Variants in APC observed in about 807,000 individuals in gnomAD.
APC encodes the protein APC regulator of Wnt signaling pathway.
Under a neutral mutation model 247.0 loss-of-function variants are expected in APC, and 72 were observed. That is an observed-to-expected ratio of 0.29 (90% CI 0.24 to 0.35). APC has a LOEUF of 0.35. Among genes scored for constraint, APC ranks in the 10% least tolerant of loss-of-function variants. The pLI, the probability that APC is intolerant of heterozygous loss-of-function variation, is 1.00. For synonymous variants in APC, 1,254 were observed against 1,162.5 expected, an observed-to-expected ratio of 1.08 and a Z score of -1.60; for missense variants, 3,400 against 3,360.7, an observed-to-expected ratio of 1.01 and a Z score of -0.29.
rs762167924 is a variant in APC at position 112,842,722 on chromosome 5, G to C, written c.7128G>C (p.Gln2376His). 3 of 1,613,914 alleles carry C rather than the reference G, an allele frequency of 1.9e-6. No homozygotes were observed. Among genetic ancestry groups the C allele is most frequent in the Non-Finnish European group, 2.5e-6 (3 of 1,179,870 alleles). Residue 2376 changes from glutamine (Q) to histidine (H), a missense_variant, in exon 16 of 16, where the codon CAG (glutamine) becomes CAC (histidine). Transcript: ENST00000257430. ...CTCCAGGTAGACAGATGAGCCAACA[G>C]AACCTTACCAAACAAACAGGTTTAT... ...YTSPGRQMSQ[Q>H]NLTKQTGLSK...
In APC at chr5:112,780,914, T is replaced by C; in HGVS notation, c.645+11T>C. The C allele has an allele frequency of 6.5e-7, 1 of 1,532,506 alleles. No individual in the cohort carries two copies. Among genetic ancestry groups the C allele is most frequent in the East Asian group, 2.3e-5 (1 of 43,978 alleles). 94.9% of individuals were successfully genotyped at this position (1,532,506 alleles called of 1,614,324 possible). A position where few individuals can be genotyped will look rare whatever the true frequency, so the allele number is the denominator to read the frequency against. The stretch of plus-strand genomic sequence containing the variant: ...GAAAAACGAGCACAGGTAAGTTACT[T>C]GTTTCTAAGTGATAAAACAGCGAAG... On this transcript the variant is annotated intron_variant, in intron 6 of 15. Transcript: ENST00000257430.
chr5:112,842,076 G>A lies in APC; in HGVS notation c.6482G>A (p.Ser2161Asn), dbSNP rs1374834291. The change falls in exon 16 of 16, where the codon AGT (serine) becomes AAT (asparagine). Residue 2161 changes from serine (S) to asparagine (N), a missense_variant. By Grantham distance (46) the Ser-to-Asn change is conservative. Transcript: ENST00000257430. ...GATCAAGAAGAAAAACCCTTTACAA[G>A]TAATAAAGGCCCACGAATTCTAAAA... The part of the protein sequence containing the change: ...TPDQEEKPFT[S>N]NKGPRILKPG... The A allele has an allele frequency of 6.2e-7, 1 of 1,610,712 alleles. No individual in the cohort carries two copies. Among genetic ancestry groups the A allele is most frequent in the Admixed American group, 1.7e-5 (1 of 59,978 alleles).
intron 1 of APC, among the ~76,000 whole-genome samples, chr5:112,708,188 C>G (rs1432480723): frequency 1.3e-5 from 2 of 152,202 alleles, no homozygotes; most frequent in Non-Finnish European, 2.9e-5. Flanking sequence ...GTCGTCCGCC[C>G]TTCCCATTTT....
chr5:112,831,431 A>G (rs1764289716), intron 14 of APC, among the ~76,000 whole-genome samples: 1 of 152,208 alleles, frequency 6.6e-6, no homozygotes, highest in African/African-American at 2.4e-5. Context: ...GCTGTCAGAA[A>G]TTTATAATAT....
At chr5:112,718,736 T>A (rs1751317810) in intron 1 of APC, among the ~76,000 whole-genome samples, 1 of 152,272 alleles carries the variant, frequency 6.6e-6, no homozygotes, top group African/African-American at 2.4e-5. Flanking sequence ...CTTATCTAGC[T>A]TTTTAAATTG....
chr5:112,752,003 T>C (rs559103736), intron 1 of APC, among the ~76,000 whole-genome samples: 20 of 152,226 alleles, frequency 1.3e-4, no homozygotes, highest in Non-Finnish European at 2.9e-4. Flanking sequence ...ATATCTATTA[T>C]GTTAAATGAT....
intron 7 of APC, among the ~76,000 whole-genome samples, chr5:112,799,200 A>T (rs974847538): frequency 6.6e-6 from 1 of 151,596 alleles, no homozygotes; most frequent in Non-Finnish European, 1.5e-5. Flanking sequence ...AAAAAAAAAA[A>T]AAAAGGCACT....
At chr5:112,708,518 G>A (rs368544993) in intron 1 of APC, among the ~76,000 whole-genome samples, 1 of 152,132 alleles carries the variant, frequency 6.6e-6, no homozygotes, top group African/African-American at 2.4e-5. Flanking sequence ...GGGGGCGTGA[G>A]CTTTCTAGAT....
intron 6 of APC, among the ~76,000 whole-genome samples, chr5:112,781,498 C>T (rs1561486814): frequency 6.6e-6 from 1 of 152,096 alleles, no homozygotes; most frequent in Non-Finnish European, 1.5e-5. Flanking sequence ...GAGGCCTTGC[C>T]AATTGCCTTA....
chr5:112,776,323 T>C (rs929540280), intron 5 of APC, among the ~76,000 whole-genome samples: 3 of 152,146 alleles, frequency 2.0e-5, no homozygotes, highest in Admixed American at 6.5e-5. Flanking sequence ...GTAAAACATA[T>C]ACTGAAAAGA....
chr5:112,726,905 A>C (rs763942401), intron 1 of APC, among the ~76,000 whole-genome samples: 3 of 152,152 alleles, frequency 2.0e-5, no homozygotes, highest in Non-Finnish European at 2.9e-5. Context: ...AATTACATTT[A>C]TTAGATTGTC....
intron 1 of APC, among the ~76,000 whole-genome samples, chr5:112,740,026 C>T (rs1752812945): frequency 6.6e-6 from 1 of 152,016 alleles, no homozygotes; most frequent in Admixed American, 6.5e-5. Flanking sequence ...TTCTATAAAA[C>T]TATAATGCCT....
chr5:112,719,384 AT>A (rs903357963), intron 1 of APC, among the ~76,000 whole-genome samples: 11 of 146,718 alleles, frequency 7.5e-5, no homozygotes, highest in Non-Finnish European at 7.6e-5. Flanking sequence ...CGCCCGGCTA[AT>A]TTTTTTTTTT....
In APC at chr5:112,782,766, A is replaced by G. The variant is rs115057694; in HGVS notation, c.645+1863A>G. Among the ~76,000 whole-genome samples, 1,208 of 152,314 alleles carry G rather than the reference A, an allele frequency of 7.9e-3. 14 individuals carry two copies. The highest frequency in any genetic ancestry group is 0.027 in the African/African-American group (1,122 of 41,578). On this transcript the variant is annotated intron_variant, in intron 6 of 15. Transcript: ENST00000257430. ...TTAAAACGCTAATGATAAAAGACCA[A>G]TAAGTTTACTGTATTAAAATTAAGA...
Position 112,739,391 on chromosome 5 carries a change from A to G in APC, c.-19+1466A>G, listed in dbSNP as rs549394715. ...GTGTCTCTTAAATAATGTTTATGTAATAGAAAGTCTTAAGATGACCTATTA... is the reference window on the plus strand; with the variant it reads ...GTGTCTCTTAAATAATGTTTATGTAGTAGAAAGTCTTAAGATGACCTATTA... On this transcript the variant is annotated intron_variant, in intron 1 of 15. Transcript: ENST00000257430. 9.2e-5 allele frequency among the ~76,000 whole-genome samples: 14 copies of G among 152,358 alleles called. No homozygotes were observed. The South Asian group carries it at 2.9e-3, about 32-fold the overall frequency.
At chr5:112,829,106 A>G (rs111268865) in intron 14 of APC, 134 bp downstream of exon 14, 3 of 684,916 alleles carry the variant, frequency 4.4e-6, no homozygotes, top group South Asian at 1.6e-5. Flanking sequence ...TTTCATGTTT[A>G]GCTTTTTTTG....
At chr5:112,732,327 C>T (rs1291240573) in intron 1 of APC, among the ~76,000 whole-genome samples, 1 of 152,118 alleles carries the variant, frequency 6.6e-6, no homozygotes, top group Non-Finnish European at 1.5e-5. Context: ...AAAGCTTGGG[C>T]ACTACCCACA....
chr5:112,819,806 A>G (rs1762931383), intron 10 of APC, among the ~76,000 whole-genome samples: 1 of 152,148 alleles, frequency 6.6e-6, no homozygotes, highest in African/African-American at 2.4e-5. Flanking sequence ...ACATCAACCT[A>G]CTGAAGTAGG....
intron 1 of APC, among the ~76,000 whole-genome samples, chr5:112,749,281 C>T (rs1208698122): frequency 1.3e-5 from 2 of 151,986 alleles, no homozygotes; most frequent in Non-Finnish European, 2.9e-5. Context: ...AATCTTTGAC[C>T]TGTATGTCAT....
Sources: gnomAD v4.1 joint callset for allele counts (sites outside exome capture counted in the v4.1 genomes callset) on GRCh38, gnomAD v4.1.1 for gene constraint, MANE v1.5 for transcripts, NCBI Gene and HGNC (gene_info 2026-07-23, HGNC 2026-07-21) for gene names.